Variants in CNTNAP4 observed in about 807,000 individuals in gnomAD.
CNTNAP4 encodes the protein contactin-associated protein-like 4.
Under a neutral mutation model 148.4 loss-of-function variants are expected in CNTNAP4, and 98 were observed. The observed-to-expected ratio is 0.66, with a 90% confidence interval of 0.56 to 0.78. CNTNAP4 has a LOEUF of 0.78. Among genes scored for constraint, CNTNAP4 ranks in the 30% least tolerant of loss-of-function variants. The pLI, the probability that CNTNAP4 is intolerant of heterozygous loss-of-function variation, is 0.00. For synonymous variants in CNTNAP4, 730 were observed against 565.1 expected (o/e 1.29, Z -4.14); for missense variants, 1,935 against 1,565.6 (o/e 1.24, Z -3.98).
chr16:76,302,424 C>T (rs1360185668), intron 1 of CNTNAP4, among the ~76,000 whole-genome samples: 1 of 152,008 alleles, frequency 6.6e-6, no homozygotes, highest in African/African-American at 2.4e-5. Context: ...AATCCAGGGC[C>T]ATTTTCGGGT....
intron 8 of CNTNAP4, among the ~76,000 whole-genome samples, chr16:76,454,503 C>G (rs368590348): frequency 5.9e-5 from 9 of 152,076 alleles, no homozygotes; most frequent in African/African-American, 2.2e-4. Context: ...TCATACTAAT[C>G]ATAAGGATAC....
At position 76,448,276 on chromosome 16, in the gene CNTNAP4, T is replaced by C. The variant is rs2080324684; in HGVS notation, c.742+61T>C. The stretch of plus-strand genomic sequence containing the variant: ...TATTTAGATATCACCTAAGTCACTT[T>C]ATGCTTTTATAGCTTATCTTTTAGC... On this transcript the variant is annotated intron_variant, in intron 5 of 23. Coordinates refer to ENST00000611870, the MANE Select transcript of CNTNAP4 (RefSeq NM_033401.5). 5.0e-6 allele frequency: 6 copies of C among 1,188,888 alleles called. No homozygotes were observed. The South Asian group carries it at 7.0e-5, about 14-fold the overall frequency. 73.6% of individuals were successfully genotyped at this position (1,188,888 alleles called of 1,614,324 possible). A position where few individuals can be genotyped will look rare whatever the true frequency, so the allele number is the denominator to read the frequency against.
chr16:76,481,613 T>A lies in CNTNAP4; in HGVS notation c.1882+2075T>A, dbSNP rs75000735. ...AGTATGGAGTGTATCATTGTAGATG[T>A]AGAACCTTGTCATTTGCTGAAAGTT... On this transcript the variant is annotated intron_variant, in intron 12 of 23. Coordinates refer to ENST00000611870, the MANE Select transcript of CNTNAP4 (RefSeq NM_033401.5). 5.9e-4 allele frequency among the ~76,000 whole-genome samples: 90 copies of A among 152,292 alleles called. No homozygotes were observed. The East Asian group carries it at 0.016, about 27-fold the overall frequency.
At chr16:76,500,127 G>T (rs1378856845) in intron 15 of CNTNAP4, among the ~76,000 whole-genome samples, 1 of 152,076 alleles carries the variant, frequency 6.6e-6, no homozygotes, top group Admixed American at 6.5e-5. Flanking sequence ...CTTCCCAGAC[G>T]GGGCGGCTGG....
At chr16:76,553,603 C>T in intron 22 of CNTNAP4, 102 bp downstream of exon 22, 1 of 868,512 alleles carries the variant, frequency 1.2e-6, no homozygotes. Context: ...AAGATGGCTT[C>T]TTAAAGTTGG....
chr16:76,336,758 C>A (rs1011207541), intron 2 of CNTNAP4, among the ~76,000 whole-genome samples: 1 of 152,162 alleles, frequency 6.6e-6, no homozygotes, highest in Admixed American at 6.5e-5. Flanking sequence ...CACATTTAAA[C>A]CTCCAGCTTT....
chr16:76,548,295 C>CATTTTTTTTTTTTTTTTT (rs759580311), intron 21 of CNTNAP4, among the ~76,000 whole-genome samples: 9 of 92,930 alleles, frequency 9.7e-5, no homozygotes, highest in African/African-American at 1.2e-4. Flanking sequence ...TTCACTGCAC[C>CATTTTTTTTTTTTTTTTT]TTTTTTTTTT....
rs34594219 is a variant in CNTNAP4, at chr16:76,374,742, C to CTATTATTAT, written c.390+19266_390+19274dup. 3.0e-3 allele frequency among the ~76,000 whole-genome samples: 392 copies of CTATTATTAT among 131,630 alleles called. 1 individual carries two copies. Among genetic ancestry groups the CTATTATTAT allele is most frequent in the African/African-American group, 6.0e-3 (224 of 37,076 alleles). The allele number at this position is 131,630 out of a possible 152,430, so 86.4% of individuals were successfully genotyped here. A position where few individuals can be genotyped will look rare whatever the true frequency, so the allele number is the denominator to read the frequency against. On this transcript the variant is annotated intron_variant, in intron 3 of 23. Transcript: ENST00000611870. ...ATAAAGTATATACTTGACTATGACACTATTATTATTATTATTATTATTATT... is the reference window on the plus strand; with the variant it reads ...ATAAAGTATATACTTGACTATGACACTATTATTATTATTATTATTATTATTATTATTATT...
At chr16:76,340,281 A>G (rs1964361808) in intron 2 of CNTNAP4, among the ~76,000 whole-genome samples, 5 of 152,100 alleles carry the variant, frequency 3.3e-5, no homozygotes, top group Admixed American at 2.6e-4. Flanking sequence ...CCCAAATCCT[A>G]TATGCTTACC....
At chr16:76,297,938 G>C (rs543838476) in intron 1 of CNTNAP4, among the ~76,000 whole-genome samples, 1 of 152,034 alleles carries the variant, frequency 6.6e-6, no homozygotes, top group Non-Finnish European at 1.5e-5. Flanking sequence ...TACTCTTTAT[G>C]TCAAACATAT....
At chr16:76,465,184 G>A (rs1010547775) in intron 9 of CNTNAP4, among the ~76,000 whole-genome samples, 4 of 152,188 alleles carry the variant, frequency 2.6e-5, no homozygotes, top group Admixed American at 1.3e-4. Context: ...ACTGCCTCCA[G>A]TAATGGATCC....
chr16:76,540,147 T>A (rs570394708), intron 20 of CNTNAP4, among the ~76,000 whole-genome samples: 1 of 152,312 alleles, frequency 6.6e-6, no homozygotes, highest in East Asian at 1.9e-4. Flanking sequence ...GAAACCGGTT[T>A]ACTTTAGATA....
At chr16:76,470,143 G>A (rs927540635) in intron 10 of CNTNAP4, among the ~76,000 whole-genome samples, 3 of 152,052 alleles carry the variant, frequency 2.0e-5, no homozygotes. Flanking sequence ...GAGAGAATAA[G>A]TTGGCTAAAA....
chr16:76,296,839 T>A (rs765397648), intron 1 of CNTNAP4, among the ~76,000 whole-genome samples: 7 of 152,150 alleles, frequency 4.6e-5, no homozygotes, highest in Admixed American at 4.6e-4. Flanking sequence ...GCTGAAATAA[T>A]TGCCCCTCCA....
chr16:76,366,213 A>G (rs2014105506), intron 3 of CNTNAP4, among the ~76,000 whole-genome samples: 2 of 152,182 alleles, frequency 1.3e-5, no homozygotes. Context: ...CATGTTGTAC[A>G]GATTATTTTG....
chr16:76,511,958 G>A (rs1423848542), intron 15 of CNTNAP4, among the ~76,000 whole-genome samples: 1 of 151,986 alleles, frequency 6.6e-6, no homozygotes, highest in Admixed American at 6.6e-5. Flanking sequence ...AAATAGGATG[G>A]TCATTTAAAG....
intron 1 of CNTNAP4, among the ~76,000 whole-genome samples, chr16:76,310,287 T>A (rs1403843425): frequency 6.6e-6 from 1 of 152,188 alleles, no homozygotes; most frequent in Non-Finnish European, 1.5e-5. Context: ...GGTTTATGGT[T>A]ACAGTACAAT....
At position 76,536,383 on chromosome 16, in the gene CNTNAP4, A is replaced by G. The variant is rs547002666; in HGVS notation, c.2995+599A>G. On this transcript the variant is annotated intron_variant, in intron 18 of 23. Transcript: ENST00000611870. Reference sequence around the variant, plus strand: ...GCTAATTGTTGTATTTTTAGTAGAGATAGTGTTTCACCATGTTGCCCAGGC... The same window carrying G: ...GCTAATTGTTGTATTTTTAGTAGAGGTAGTGTTTCACCATGTTGCCCAGGC... Among the ~76,000 whole-genome samples, 659 of 152,052 alleles carry G rather than the reference A, an allele frequency of 4.3e-3. 16 individuals are homozygous for G. Among genetic ancestry groups the G allele is most frequent in the Non-Finnish European group, 6.3e-4 (43 of 67,980 alleles).
chr16:76,482,950 CAT>C (rs2081890102), intron 12 of CNTNAP4, among the ~76,000 whole-genome samples: 1 of 152,110 alleles, frequency 6.6e-6, no homozygotes, highest in African/African-American at 2.4e-5. Flanking sequence ...GAGAATTAAA[CAT>C]AACAAATGTG....
Sources: gnomAD v4.1 joint callset for allele counts (sites outside exome capture counted in the v4.1 genomes callset) on GRCh38, gnomAD v4.1.1 for gene constraint, MANE v1.5 for transcripts, NCBI Gene and HGNC (gene_info 2026-07-23, HGNC 2026-07-21) for gene names.